Variants in TMEM117 observed in about 807,000 individuals in gnomAD.
TMEM117 encodes the protein transmembrane protein 117.
In TMEM117, 27 loss-of-function variants were observed where a neutral mutation model predicts 52.4. The ratio of observed to expected loss-of-function variants is 0.51; its 90% confidence interval spans 0.38 to 0.71. TMEM117 has a LOEUF of 0.71. Among genes scored for constraint, TMEM117 ranks in the 30% least tolerant of loss-of-function variants. The pLI is 0.00. For missense variants in TMEM117, 556 were observed against 630.5 expected, an observed-to-expected ratio of 0.88 and a Z score of 1.26; for synonymous variants, 215 against 206.3, an observed-to-expected ratio of 1.04 and a Z score of -0.36.
At chr12:44,371,447 A>G (rs61933058) in intron 6 of TMEM117, among the ~76,000 whole-genome samples, 3,587 of 152,296 alleles carry the variant, frequency 0.024, 54 homozygotes, top group Admixed American at 0.035. Context: ...GCTTTTCACT[A>G]AAATCTAATC....
chr12:44,155,136 A>G (rs1223304825), intron 4 of TMEM117, among the ~76,000 whole-genome samples: 1 of 152,158 alleles, frequency 6.6e-6, no homozygotes, highest in East Asian at 1.9e-4. Flanking sequence ...GAAATAAGGT[A>G]TTTGTATACA....
chr12:44,282,204 A>T (rs563404593), intron 5 of TMEM117, among the ~76,000 whole-genome samples: 1 of 152,188 alleles, frequency 6.6e-6, no homozygotes, highest in Admixed American at 6.5e-5. Flanking sequence ...CCAATTAAAC[A>T]TCTTTTTCTT....
chr12:43,850,976 A>G (rs1286408983), intron 2 of TMEM117, among the ~76,000 whole-genome samples: 1 of 152,206 alleles, frequency 6.6e-6, no homozygotes, highest in Non-Finnish European at 1.5e-5. Flanking sequence ...ATGCCTTACA[A>G]AAATGATCAG....
intron 3 of TMEM117, among the ~76,000 whole-genome samples, chr12:44,045,417 C>T (rs748488049): frequency 6.6e-5 from 10 of 152,310 alleles, no homozygotes; most frequent in South Asian, 6.2e-4. Context: ...ACATTTACTC[C>T]GGATATGGGT....
At chr12:44,154,937 A>G (rs998656644) in intron 4 of TMEM117, among the ~76,000 whole-genome samples, 1 of 152,000 alleles carries the variant, frequency 6.6e-6, no homozygotes, top group African/African-American at 2.4e-5. Context: ...CTTGGACCAT[A>G]ATATCTTTGA....
At chr12:44,290,908 A>T (rs1254339859) in intron 5 of TMEM117, among the ~76,000 whole-genome samples, 1 of 152,172 alleles carries the variant, frequency 6.6e-6, no homozygotes, top group Non-Finnish European at 1.5e-5. Flanking sequence ...CAAAGCACTG[A>T]TATTTTAGGC....
intron 7 of TMEM117, 140 bp downstream of exon 7, chr12:44,376,864 T>G: frequency 2.2e-6 from 2 of 905,074 alleles, no homozygotes; most frequent in East Asian, 3.1e-5. Context: ...TGCAAGGTGG[T>G]TTTCAGATCA....
chr12:43,960,321 G>A (rs927681509), intron 3 of TMEM117, among the ~76,000 whole-genome samples: 3 of 151,464 alleles, frequency 2.0e-5, no homozygotes, highest in African/African-American at 7.3e-5. Flanking sequence ...AGAGGGAGAA[G>A]GAGAGGGAAG....
chr12:44,338,217 A>G (rs545538463), intron 6 of TMEM117, among the ~76,000 whole-genome samples: 2 of 152,266 alleles, frequency 1.3e-5, no homozygotes, highest in South Asian at 4.1e-4. Context: ...AGAAAAAGTA[A>G]GTATAATTTG....
intron 3 of TMEM117, among the ~76,000 whole-genome samples, chr12:43,993,710 T>A (rs1315620422): frequency 2.0e-5 from 3 of 152,162 alleles, no homozygotes; most frequent in African/African-American, 7.2e-5. Context: ...TTTCTATTTT[T>A]TTGAGACAGG....
intron 3 of TMEM117, among the ~76,000 whole-genome samples, chr12:44,109,923 A>G (rs1216830910): frequency 8.6e-5 from 7 of 81,528 alleles, no homozygotes; most frequent in Admixed American, 1.3e-4. Context: ...GGTCCTTCAC[A>G]TCCCTTGTAA....
chr12:43,985,212 A>G (rs1186875385), intron 3 of TMEM117, among the ~76,000 whole-genome samples: 3 of 152,180 alleles, frequency 2.0e-5, no homozygotes, highest in Non-Finnish European at 2.9e-5. Flanking sequence ...TGTGCTCACC[A>G]AGTAAAGTGT....
At chr12:43,922,937 A>T (rs1437464391) in intron 2 of TMEM117, among the ~76,000 whole-genome samples, 1 of 152,164 alleles carries the variant, frequency 6.6e-6, no homozygotes, top group Non-Finnish European at 1.5e-5. Flanking sequence ...TGTATACTGG[A>T]GAATCTGCAG....
chr12:43,841,032 T>C (rs939841779), intron 1 of TMEM117, among the ~76,000 whole-genome samples: 2 of 152,214 alleles, frequency 1.3e-5, no homozygotes, highest in Non-Finnish European at 2.9e-5. Context: ...TTGCAGCCTG[T>C]GTACGAAGTC....
At chr12:44,126,505 T>C (rs73093494) in intron 3 of TMEM117, among the ~76,000 whole-genome samples, 11,195 of 152,282 alleles carry the variant, frequency 0.074, 584 homozygotes, top group Middle Eastern at 0.16. Flanking sequence ...CTTCTACCTG[T>C]ATTCATATAA....
chr12:43,802,530 G>A, the TMEM117 span: 1 of 1,179,556 alleles, frequency 8.5e-7, no homozygotes, highest in South Asian at 1.4e-5. Context: ...GTGTGATGAA[G>A]ACTAGAAAAA....
intron 4 of TMEM117, among the ~76,000 whole-genome samples, chr12:44,163,472 A>G (rs1250184833): frequency 6.6e-6 from 1 of 152,232 alleles, no homozygotes; most frequent in Admixed American, 6.5e-5. Context: ...GAAGGTATGA[A>G]AAGAATCAGG....
At chr12:43,806,153 G>T in the TMEM117 span, 1 of 1,390,558 alleles carries the variant, frequency 7.2e-7, no homozygotes. Context: ...TGCCGGTCCT[G>T]CAGCCCTCCC....
downstream of TMEM117, among the ~76,000 whole-genome samples, chr12:44,390,986 T>G (rs150286479): frequency 6.6e-6 from 1 of 152,072 alleles, no homozygotes; most frequent in African/African-American, 2.4e-5. Context: ...TAAAAAGAGA[T>G]GTGTAGCAAT....
Sources: allele counts gnomAD v4.1 joint callset (sites outside exome capture counted in the v4.1 genomes callset), GRCh38; gene constraint gnomAD v4.1.1; transcripts MANE v1.5; gene names NCBI Gene and HGNC (gene_info 2026-07-23, HGNC 2026-07-21).